NRG3: variants seen among roughly 807,000 people sequenced by gnomAD.
The protein encoded by NRG3 is neuregulin 3, also known as pro-neuregulin-3, membrane-bound isoform.
A neutral mutation model predicts 66.9 loss-of-function variants in NRG3; 31 were observed. The observed-to-expected ratio is 0.46, with a 90% CI of 0.35 to 0.63. NRG3 has a LOEUF of 0.63. NRG3 is among the 20% of genes least tolerant of loss of function. The probability of loss-of-function intolerance (pLI) is 0.00; values close to 1 mark genes in which losing one functional copy is unlikely to be tolerated. For synonymous variants in NRG3, 393 were observed against 359.4 expected (o/e 1.09, Z -1.06); for missense variants, 910 against 878.9 (o/e 1.04, Z -0.45).
At chr10:82,969,958 A>G (rs1468225726) in intron 6 of NRG3, among the ~76,000 whole-genome samples, 1 of 152,174 alleles carries the variant, frequency 6.6e-6, no homozygotes, top group Non-Finnish European at 1.5e-5. Flanking sequence ...TTCCTTATTT[A>G]CACAAATGGA....
At chr10:82,644,651 T>A (rs891881382) in intron 2 of NRG3, among the ~76,000 whole-genome samples, 1 of 152,152 alleles carries the variant, frequency 6.6e-6, no homozygotes, top group Non-Finnish European at 1.5e-5. Flanking sequence ...ATTTGTTTTT[T>A]CTTCAGTAGG....
At position 82,985,499 on chromosome 10, in the gene NRG3, G is replaced by A; in HGVS notation, c.1985G>A (p.Ser662Asn). The change falls in exon 9 of 9, where the codon AGC becomes AAC. Residue 662 changes from serine (S) to asparagine (N), a missense_variant. Ser to Asn is a conservative substitution (Grantham distance 46). Transcript: ENST00000372141. ...LASVETEDSA[S>N]ENTAFLPLSP... ...AGCGTAGAAACCGAGGACAGTGCAA[G>A]CGAAAACACAGCCTTTCTCCCCCTG... The A allele has an allele frequency of 1.9e-6, 3 of 1,614,090 alleles. No homozygotes were observed. The highest frequency in any genetic ancestry group is 2.5e-6 in the Non-Finnish European group (3 of 1,180,014).
intron 2 of NRG3, among the ~76,000 whole-genome samples, chr10:82,366,593 C>T (rs949212701): frequency 3.3e-5 from 5 of 151,968 alleles, no homozygotes; most frequent in Non-Finnish European, 5.9e-5. Flanking sequence ...ATCAGCGTAA[C>T]GGGCCATAAT....
intron 3 of NRG3, among the ~76,000 whole-genome samples, chr10:82,814,337 A>G (rs2061617258): frequency 6.6e-6 from 1 of 152,248 alleles, no homozygotes; most frequent in Admixed American, 6.5e-5. Flanking sequence ...ATTAATTTAC[A>G]TTAAAGAGTA....
chr10:82,674,010 A>G (rs2053489350), intron 2 of NRG3, among the ~76,000 whole-genome samples: 1 of 152,154 alleles, frequency 6.6e-6, no homozygotes, highest in South Asian at 2.1e-4. Flanking sequence ...AAGATGTTCA[A>G]CAGTGTTGCT....
chr10:82,065,212 T>G (rs991157756), intron 1 of NRG3, among the ~76,000 whole-genome samples: 8 of 152,068 alleles, frequency 5.3e-5, no homozygotes, highest in South Asian at 2.1e-4. Context: ...AGAGTGATAA[T>G]GAAAAATCCA....
At chr10:82,381,253 G>C (rs993389274) in intron 2 of NRG3, among the ~76,000 whole-genome samples, 2 of 152,086 alleles carry the variant, frequency 1.3e-5, no homozygotes, top group Admixed American at 6.6e-5. Flanking sequence ...ATGTAATGGT[G>C]ATGTTAATGA....
Position 82,003,988 on chromosome 10 carries a change from AACACACACACACAC to A in NRG3, c.823+127859_823+127872del, listed in dbSNP as rs746699197. On this transcript the variant is annotated intron_variant, in intron 1 of 8. Transcript: ENST00000372141. ...GGTGCTGTAAGGATACCTGACTGAA[AACACACACACACAC>A]ACACACACACACACACACACACACA... 9.0e-3 allele frequency among the ~76,000 whole-genome samples: 1,214 copies of A among 134,412 alleles called. 8 individuals are homozygous for A. The highest frequency in any genetic ancestry group is 0.017 in the African/African-American group (616 of 35,480). The allele number at this position is 134,412 out of a possible 152,430, so 88.2% of individuals were successfully genotyped here.
rs183311988 is a variant in NRG3 at position 82,740,560 on chromosome 10, C to T, written c.1027+1910C>T. Among the ~76,000 whole-genome samples, 37 of 152,116 alleles carry T rather than the reference C, an allele frequency of 2.4e-4. No homozygotes were observed. The East Asian group carries it at 6.4e-3, about 26-fold the overall frequency. On this transcript the variant is annotated intron_variant, in intron 3 of 8. Transcript: ENST00000372141. ...AAATTATAGCTGTGTGAGCCAGGCACGGTGGTTCATGCCTATAAACCCAGC... is the reference window on the plus strand; with the variant it reads ...AAATTATAGCTGTGTGAGCCAGGCATGGTGGTTCATGCCTATAAACCCAGC...
intron 1 of NRG3, among the ~76,000 whole-genome samples, chr10:82,062,232 C>G (rs552144760): frequency 1.3e-5 from 2 of 152,128 alleles, no homozygotes; most frequent in East Asian, 3.9e-4. Flanking sequence ...TCTTTATTAT[C>G]TGCCACAGTC....
At chr10:82,748,752 T>C (rs1260709642) in intron 3 of NRG3, among the ~76,000 whole-genome samples, 1 of 150,786 alleles carries the variant, frequency 6.6e-6, no homozygotes, top group Non-Finnish European at 1.5e-5. Flanking sequence ...TTAAATCAAT[T>C]CCCACTTTAA....
chr10:81,895,625 A>G (rs998546031), intron 1 of NRG3, among the ~76,000 whole-genome samples: 1 of 152,102 alleles, frequency 6.6e-6, no homozygotes, highest in Admixed American at 6.6e-5. Flanking sequence ...TGAGATTATG[A>G]TGTGTGTGTG....
At chr10:82,074,973 T>A (rs956280389) in intron 1 of NRG3, among the ~76,000 whole-genome samples, 3 of 152,120 alleles carry the variant, frequency 2.0e-5, no homozygotes, top group African/African-American at 7.2e-5. Context: ...AAGCAGTGGG[T>A]CTCCATCACT....
intron 1 of NRG3, among the ~76,000 whole-genome samples, chr10:82,283,229 T>A (rs2079221952): frequency 6.6e-6 from 1 of 152,142 alleles, no homozygotes; most frequent in Non-Finnish European, 1.5e-5. Context: ...TCAAATCACT[T>A]CAGAAGTTGG....
intron 2 of NRG3, among the ~76,000 whole-genome samples, chr10:82,650,442 A>G (rs1425404493): frequency 1.3e-5 from 2 of 152,180 alleles, no homozygotes; most frequent in East Asian, 1.9e-4. Flanking sequence ...ACAAAAAAAA[A>G]CACCTAATGT....
At chr10:82,875,475 A>G (rs1288888765) in intron 4 of NRG3, among the ~76,000 whole-genome samples, 4 of 151,918 alleles carry the variant, frequency 2.6e-5, no homozygotes, top group African/African-American at 9.7e-5. Flanking sequence ...TTCCCATTTT[A>G]ACCTCCCCTG....
chr10:82,788,236 A>G (rs774618785), intron 3 of NRG3, among the ~76,000 whole-genome samples: 9 of 152,198 alleles, frequency 5.9e-5, no homozygotes, highest in Non-Finnish European at 2.9e-5. Flanking sequence ...TATGCCTTAT[A>G]TGGTATTTTA....
At chr10:82,899,414 A>G (rs1843992427) in intron 4 of NRG3, among the ~76,000 whole-genome samples, 1 of 152,182 alleles carries the variant, frequency 6.6e-6, no homozygotes, top group South Asian at 2.1e-4. Flanking sequence ...CAAAACCAAA[A>G]TTGATATCTG....
chr10:82,438,613 G>T (rs1272405247), intron 2 of NRG3, among the ~76,000 whole-genome samples: 1 of 152,206 alleles, frequency 6.6e-6, no homozygotes, highest in African/African-American at 2.4e-5. Flanking sequence ...CAGCTGAGAG[G>T]CTGTAACAAT....
Sources: allele counts gnomAD v4.1 joint callset (sites outside exome capture counted in the v4.1 genomes callset), GRCh38; gene constraint gnomAD v4.1.1; transcripts MANE v1.5; gene names NCBI Gene and HGNC (gene_info 2026-07-23, HGNC 2026-07-21).